The following ITSN1 variants were observed in gnomAD, a reference collection of about 807,000 sequenced individuals.
ITSN1 encodes the protein intersectin-1.
Under a neutral mutation model 239.8 loss-of-function variants are expected in ITSN1, and 58 were observed. The ratio of observed to expected loss-of-function variants is 0.24; its 90% CI spans 0.20 to 0.30. The LOEUF (loss-of-function observed/expected upper bound fraction) is 0.30. Among genes scored for constraint, ITSN1 ranks in the 10% least tolerant of loss-of-function variants. The probability of loss-of-function intolerance (pLI) is 1.00; values close to 1 mark genes in which losing one functional copy is unlikely to be tolerated. For synonymous variants in ITSN1, 780 were observed against 770.8 expected, an observed-to-expected ratio of 1.01 and a Z score of -0.20; for missense variants, 1,558 against 2,103.3, an observed-to-expected ratio of 0.74 and a Z score of 5.07.
chr21:33,813,518 A>C (rs1389958646), intron 21 of ITSN1, among the ~76,000 whole-genome samples: 1 of 151,798 alleles, frequency 6.6e-6, no homozygotes, highest in Non-Finnish European at 1.5e-5. Context: ...ACACCCAGCT[A>C]ATTTTTGTAT....
intron 1 of ITSN1, chr21:33,689,516 C>T (rs1301306383): frequency 6.6e-6 from 1 of 151,882 alleles, no homozygotes; most frequent in Admixed American, 6.6e-5. Context: ...CAAAAAATAA[C>T]AATAAATAAA....
intron 1 of ITSN1, among the ~76,000 whole-genome samples, chr21:33,695,138 T>C (rs915036906): frequency 6.6e-6 from 1 of 152,204 alleles, no homozygotes; most frequent in Non-Finnish European, 1.5e-5. Context: ...CTTGATATAC[T>C]TACCTATGAT....
At chr21:33,684,395 G>A (rs375757411) in intron 1 of ITSN1, among the ~76,000 whole-genome samples, 2 of 152,158 alleles carry the variant, frequency 1.3e-5, no homozygotes, top group East Asian at 1.9e-4. Flanking sequence ...TTCTTAGCAG[G>A]ATCCTAAAAA....
At position 33,790,543 on chromosome 21, in the gene ITSN1, T is replaced by C. The variant is rs536621091; in HGVS notation, c.1825-3798T>C. Among the ~76,000 whole-genome samples the C allele has an allele frequency of 3.3e-5, 5 of 152,290 alleles. No individual in the cohort carries two copies. The East Asian group carries it at 9.6e-4, about 29-fold the overall frequency. On this transcript the variant is annotated intron_variant, in intron 16 of 39. Coordinates refer to ENST00000381318, the MANE Select transcript of ITSN1 (RefSeq NM_003024.3). ...GTACACTCCGTACTATATTGCTAGA[T>C]TAATATCCATCCAAGAAACAAGTTT...
At position 33,762,001 on chromosome 21, in the gene ITSN1, G is replaced by T. The variant is rs1475090560; in HGVS notation, c.788+15G>T. The T allele has an allele frequency of 6.3e-7, 1 of 1,598,922 alleles. No homozygotes were observed. Among genetic ancestry groups the T allele is most frequent in the African/African-American group, 1.3e-5 (1 of 74,588 alleles). On this transcript the variant is annotated intron_variant, in intron 9 of 39. Transcript: ENST00000381318. ...GCTTCAATATGGTAAGGAATGAAAA[G>T]TTCTTTGGTTTGGATAAAGTGGAAA... is the stretch of plus-strand genomic sequence containing the variant.
chr21:33,652,027 T>C (rs1485660643), intron 1 of ITSN1, among the ~76,000 whole-genome samples: 2 of 152,194 alleles, frequency 1.3e-5, no homozygotes, highest in African/African-American at 4.8e-5. Flanking sequence ...TTTGGAAACA[T>C]ATATAAGGAA....
chr21:33,884,344 C>T (rs529306286), intron 36 of ITSN1, among the ~76,000 whole-genome samples: 62 of 152,130 alleles, frequency 4.1e-4, no homozygotes, highest in Non-Finnish European at 7.2e-4. Flanking sequence ...AATAGGACCA[C>T]GCAAACCCAA....
Position 33,790,261 on chromosome 21 carries a change from A to G in ITSN1, c.1825-4080A>G, listed in dbSNP as rs558762959. Among the ~76,000 whole-genome samples the G allele has an allele frequency of 5.9e-5, 9 of 151,856 alleles. No homozygotes were observed. The South Asian group carries it at 1.9e-3, about 32-fold the overall frequency. On this transcript the variant is annotated intron_variant, in intron 16 of 39. Coordinates refer to ENST00000381318, the MANE Select transcript of ITSN1 (RefSeq NM_003024.3). ...GCATAAATTGTGATTTTTTAAAAAA[A>G]ACTTATTTTAATATTTAATATTAAT...
chr21:33,872,933 G>A (rs2148522648), intron 33 of ITSN1, among the ~76,000 whole-genome samples: 1 of 152,214 alleles, frequency 6.6e-6, no homozygotes. Context: ...TTTGAATTTT[G>A]AAACTAAACA....
At chr21:33,716,936 A>C (rs1048479173) in intron 1 of ITSN1, among the ~76,000 whole-genome samples, 6 of 138,714 alleles carry the variant, frequency 4.3e-5, no homozygotes, top group African/African-American at 1.4e-4. Context: ...ACTCCGTCTC[A>C]AAAAAAAAAA....
chr21:33,834,535 A>G (rs1279435503), intron 28 of ITSN1, 111 bp downstream of exon 28: 3 of 749,542 alleles, frequency 4.0e-6, no homozygotes, highest in Non-Finnish European at 7.0e-6. Flanking sequence ...GCTTTAAAGC[A>G]CTTCCTGTAC....
Position 33,891,341 on chromosome 21 carries a change from C to T in ITSN1, c.*3041C>T, listed in dbSNP as rs542362366. 5 of 152,218 alleles carry T rather than the reference C, an allele frequency of 3.3e-5. No homozygotes were observed. In the South Asian group the frequency reaches 1.0e-3, roughly 32 times the overall value. The allele number at this position is 152,218 out of a possible 1,614,324, so 9.4% of individuals were successfully genotyped here. ...AAGAGCTCTGCTCCCAAAGAACATT[C>T]ATGTAAGAGGAGGCATTTTTTTCTT... On this transcript the variant is annotated 3_prime_UTR_variant, in exon 40 of 40. Transcript: ENST00000381318.
chr21:33,802,927 G>T (rs1263465276), intron 20 of ITSN1, among the ~76,000 whole-genome samples: 2 of 152,116 alleles, frequency 1.3e-5, no homozygotes, highest in African/African-American at 4.8e-5. Context: ...TGAGACCAAG[G>T]GTTACATAAA....
intron 19 of ITSN1, among the ~76,000 whole-genome samples, chr21:33,801,670 C>T (rs147848084): frequency 1.1e-3 from 169 of 152,198 alleles, no homozygotes; most frequent in African/African-American, 3.5e-3. Flanking sequence ...CCCTATGTTG[C>T]CCAGGCTCCA....
intron 34 of ITSN1, among the ~76,000 whole-genome samples, chr21:33,876,348 C>T (rs1439726665): frequency 1.4e-5 from 2 of 144,792 alleles, no homozygotes; most frequent in Non-Finnish European, 3.0e-5. Context: ...TTCCTTTCTC[C>T]TTCTCTTCTC....
intron 33 of ITSN1, among the ~76,000 whole-genome samples, chr21:33,868,257 C>T (rs1009385818): frequency 8.5e-5 from 13 of 152,238 alleles, no homozygotes; most frequent in African/African-American, 2.9e-4. Context: ...TGGCTTCACC[C>T]AGTGGATCCC....
chr21:33,661,305 G>A (rs188618381), intron 1 of ITSN1, among the ~76,000 whole-genome samples: 10 of 152,226 alleles, frequency 6.6e-5, no homozygotes, highest in Non-Finnish European at 5.9e-5. Flanking sequence ...CTTGGACATT[G>A]TTGTTTGGTG....
At chr21:33,731,388 C>G (rs1393075927) in intron 4 of ITSN1, among the ~76,000 whole-genome samples, 1 of 152,162 alleles carries the variant, frequency 6.6e-6, no homozygotes, top group Non-Finnish European at 1.5e-5. Flanking sequence ...TTAATGGGAA[C>G]TCTTCCCCAC....
chr21:33,836,523 C>G lies in ITSN1; in HGVS notation c.3552C>G (p.Val1184=), dbSNP rs757954438. 14 of 1,614,006 alleles carry G rather than the reference C, an allele frequency of 8.7e-6. No individual in the cohort carries two copies. Among genetic ancestry groups the G allele is most frequent in the Non-Finnish European group, 1.2e-5 (14 of 1,180,000 alleles). ...LAFNKGQIIN[V]LNKEDPDWWK... is the part of the protein sequence containing the mutation. ...TCAACAAGGGCCAGATCATCAACGT[C>G]CTCAACAAGGAGGACCCTGACTGGT... Residue 1184 remains valine, a synonymous_variant, in exon 29 of 40, where the codon GTC becomes GTG. Coordinates refer to ENST00000381318, the MANE Select transcript of ITSN1 (RefSeq NM_003024.3).
Sources: allele counts gnomAD v4.1 joint callset (sites outside exome capture counted in the v4.1 genomes callset), GRCh38; gene constraint gnomAD v4.1.1; transcripts MANE v1.5; gene names NCBI Gene and HGNC (gene_info 2026-07-23, HGNC 2026-07-21).